The following EPB41L1 variants were observed in gnomAD, a reference collection of about 807,000 sequenced individuals.
EPB41L1 encodes the protein erythrocyte membrane protein band 4.1 like 1, also known as band 4.1-like protein 1.
Under a neutral mutation model 97.8 loss-of-function variants are expected in EPB41L1, and 29 were observed. The observed-to-expected ratio is 0.30, with a 90% confidence interval of 0.22 to 0.40. The LOEUF (loss-of-function observed/expected upper bound fraction) is 0.40, where lower values mean the gene tolerates loss of function less well. Among genes scored for constraint, EPB41L1 ranks in the 10% least tolerant of loss-of-function variants. The probability of loss-of-function intolerance (pLI) is 1.00; values close to 1 mark genes in which losing one functional copy is unlikely to be tolerated. For missense variants in EPB41L1, 812 were observed against 1,162.3 expected, an observed-to-expected ratio of 0.70 and a Z score of 4.38; for synonymous variants, 383 against 459.2, an observed-to-expected ratio of 0.83 and a Z score of 2.12.
intron 1 of EPB41L1, among the ~76,000 whole-genome samples, chr20:36,173,016 TCTC>T (rs2145877591): frequency 6.6e-6 from 1 of 152,298 alleles, no homozygotes; most frequent in East Asian, 1.9e-4. Flanking sequence ...CTCTCTGAAA[TCTC>T]CTCATTTACT....
At chr20:36,114,567 C>T (rs906881091) in intron 2 of EPB41L1, among the ~76,000 whole-genome samples, 3 of 152,058 alleles carry the variant, frequency 2.0e-5, no homozygotes, top group Non-Finnish European at 4.4e-5. Context: ...TTTCCAGAAA[C>T]CAGTGACAAA....
chr20:36,130,626 A>G (rs988123856), intron 2 of EPB41L1, among the ~76,000 whole-genome samples: 1 of 152,156 alleles, frequency 6.6e-6, no homozygotes, highest in African/African-American at 2.4e-5. Context: ...TCTTGGGGTG[A>G]AGACCCAGGA....
intron 1 of EPB41L1, among the ~76,000 whole-genome samples, chr20:36,164,223 C>T (rs1228856243): frequency 2.0e-5 from 3 of 152,186 alleles, no homozygotes; most frequent in Non-Finnish European, 2.9e-5. Context: ...AATGGGCCAG[C>T]CTCCTGCTTC....
chr20:36,134,502 G>A (rs1345396657), intron 2 of EPB41L1, among the ~76,000 whole-genome samples: 7 of 152,224 alleles, frequency 4.6e-5, no homozygotes, highest in Non-Finnish European at 1.0e-4. Flanking sequence ...CCAGCTCATG[G>A]TGGAGACCAA....
chr20:36,207,793 G>A lies in EPB41L1; in HGVS notation c.1669-1695G>A, dbSNP rs955304903. 5 of 1,283,630 alleles carry A rather than the reference G, an allele frequency of 3.9e-6. No individual in the cohort carries two copies. Among genetic ancestry groups the A allele is most frequent in the African/African-American group, 1.5e-5 (1 of 65,834 alleles). The allele number at this position is 1,283,630 out of a possible 1,614,324, so 79.5% of individuals were successfully genotyped here. On this transcript the variant is annotated intron_variant, in intron 14 of 21. Coordinates refer to ENST00000338074, the MANE Select transcript of EPB41L1 (RefSeq NM_012156.2). This position sits in a 1 kb window ranked among gnomAD's most constrained non-coding sequence, Gnocchi z 4.9. ...TACTGGAACTGGGGTAACTGGCCGC[G>A]TGAGCCCCCGCCCCCACCGCTGCTC... is the stretch of plus-strand genomic sequence containing the variant.
intron 21 of EPB41L1, among the ~76,000 whole-genome samples, chr20:36,223,002 T>C (rs1006752245): frequency 5.3e-5 from 8 of 152,218 alleles, no homozygotes; most frequent in African/African-American, 1.9e-4. Flanking sequence ...GTTTAAGTGA[T>C]TCTCTTGCCT....
At position 36,195,190 on chromosome 20, in the gene EPB41L1, C is replaced by T. The variant is rs115361771; in HGVS notation, c.1450-139C>T. Reference sequence around the variant, plus strand: ...ACTACCTCACTGCCCTGCTGGTGGCCCACCCAGCTGCCCTGGCCTCCACTT... The same window carrying T: ...ACTACCTCACTGCCCTGCTGGTGGCTCACCCAGCTGCCCTGGCCTCCACTT... On this transcript the variant is annotated intron_variant, in intron 12 of 21. Transcript: ENST00000338074. The surrounding 1 kb of genome is among the most constrained non-coding windows in gnomAD (Gnocchi z 4.6). 2.8e-3 allele frequency: 2,688 copies of T among 966,460 alleles called. 45 individuals are homozygous for T. In the African/African-American group the frequency reaches 0.039, roughly 14 times the overall value. 59.9% of individuals were successfully genotyped at this position (966,460 alleles called of 1,614,324 possible).
intron 1 of EPB41L1, among the ~76,000 whole-genome samples, chr20:36,101,653 G>A (rs2058020977): frequency 6.6e-6 from 1 of 152,106 alleles, no homozygotes; most frequent in Admixed American, 6.6e-5. Context: ...CCTAAGGCTG[G>A]GCCTCTCAAA....
intron 2 of EPB41L1, among the ~76,000 whole-genome samples, chr20:36,131,341 G>A (rs868533686): frequency 6.6e-6 from 1 of 151,424 alleles, no homozygotes; most frequent in African/African-American, 2.4e-5. Flanking sequence ...AATTCCTGAC[G>A]TCAGGTGATC....
At chr20:36,222,078 A>C (rs1220351582) in intron 20 of EPB41L1, 134 bp downstream of exon 20, 3 of 1,084,448 alleles carry the variant, frequency 2.8e-6, no homozygotes, top group African/African-American at 3.1e-5. Flanking sequence ...TCAGATAAGA[A>C]ACCCCCAAGA....
At chr20:36,123,433 G>GT (rs1357677504) in intron 2 of EPB41L1, among the ~76,000 whole-genome samples, 1 of 150,658 alleles carries the variant, frequency 6.6e-6, no homozygotes, top group African/African-American at 2.5e-5. Context: ...TTAAGTTCTG[G>GT]TTTTTTTGTT....
Position 36,182,259 on chromosome 20 carries a change from C to A in EPB41L1, c.491-13C>A, listed in dbSNP as rs1344979186. 2 of 1,613,490 alleles carry A rather than the reference C, an allele frequency of 1.2e-6. No homozygotes were observed. The highest frequency in any genetic ancestry group is 1.1e-5 in the South Asian group (1 of 91,072). The stretch of plus-strand genomic sequence containing the variant: ...GTTAGGGCCTCGCTGATCTCTCTCC[C>A]ATCTCCTCTCAGGTAGCCCCTGGAA... On this transcript the variant is annotated splice_polypyrimidine_tract_variant and intron_variant, in intron 5 of 21. Coordinates refer to ENST00000338074, the MANE Select transcript of EPB41L1 (RefSeq NM_012156.2).
At position 36,190,231 on chromosome 20, in the gene EPB41L1, G is replaced by A. The variant is rs1244165427; in HGVS notation, c.1027-46G>A. ...AACACAAAGAATGGGCTAGTGGCGAGAGTGAGCTCAGGCCCTGCCTCTAAC... is the reference window on the plus strand; with the variant it reads ...AACACAAAGAATGGGCTAGTGGCGAAAGTGAGCTCAGGCCCTGCCTCTAAC... On this transcript the variant is annotated intron_variant, in intron 9 of 21. Coordinates refer to ENST00000338074, the MANE Select transcript of EPB41L1 (RefSeq NM_012156.2). The surrounding 1 kb of genome is among the most constrained non-coding windows in gnomAD (Gnocchi z 5.8). The A allele has an allele frequency of 6.8e-7, 1 of 1,461,912 alleles. No homozygotes were observed. Among genetic ancestry groups the A allele is most frequent in the East Asian group, 2.3e-5 (1 of 44,142 alleles). 90.6% of individuals were successfully genotyped at this position (1,461,912 alleles called of 1,614,324 possible).
Position 36,181,550 on chromosome 20 carries a change from T to G in EPB41L1, c.491-722T>G, listed in dbSNP as rs556809508. On this transcript the variant is annotated intron_variant, in intron 5 of 21. Transcript: ENST00000338074. ...ATAATCCAATCCTGTCTTCTGGTCTTGTTTATAATCCAATCCTGTCTTCTG... is the reference window on the plus strand; with the variant it reads ...ATAATCCAATCCTGTCTTCTGGTCTGGTTTATAATCCAATCCTGTCTTCTG... Among the ~76,000 whole-genome samples the G allele has an allele frequency of 7.2e-5, 11 of 152,350 alleles. No homozygotes were observed. The South Asian group carries it at 2.3e-3, about 32-fold the overall frequency.
intron 1 of EPB41L1, among the ~76,000 whole-genome samples, chr20:36,168,860 C>G (rs371949729): frequency 1.0e-3 from 157 of 152,006 alleles, no homozygotes; most frequent in African/African-American, 3.6e-3. Flanking sequence ...CCACTAAGGG[C>G]TTTCTCTGTG....
intron 14 of EPB41L1, chr20:36,200,850 C>T (rs891632122): frequency 5.7e-5 from 26 of 455,682 alleles, no homozygotes; most frequent in Non-Finnish European, 1.1e-4. Context: ...TCCCTTTCCT[C>T]TGGCTCTGGG....
upstream of EPB41L1, among the ~76,000 whole-genome samples, chr20:36,150,172 A>G (rs1239008393): frequency 6.6e-6 from 1 of 151,936 alleles, no homozygotes; most frequent in African/African-American, 2.4e-5. Context: ...GGTTCAAGCA[A>G]TTATTCTCCT....
At chr20:36,188,237 C>T in intron 8 of EPB41L1, 110 bp from the exon 9 acceptor site, 1 of 1,467,322 alleles carries the variant, frequency 6.8e-7, no homozygotes, top group East Asian at 2.3e-5. Flanking sequence ...TAACCCTGTT[C>T]CTGAGAGCTC....
intron 14 of EPB41L1, chr20:36,205,968 C>T: frequency 7.8e-7 from 1 of 1,289,904 alleles, no homozygotes; most frequent in Admixed American, 2.3e-5. Context: ...GTATCCTTGC[C>T]AACGGCAGAC....
Sources: gnomAD v4.1 joint callset for allele counts (sites outside exome capture counted in the v4.1 genomes callset) on GRCh38, gnomAD v4.1.1 for gene constraint, Gnocchi (gnomAD v3.1) non-coding constraint, MANE v1.5 for transcripts, NCBI Gene and HGNC (gene_info 2026-07-23, HGNC 2026-07-21) for gene names.